The following PRKD1 variants were observed in gnomAD, a reference collection of about 807,000 sequenced individuals.
The protein encoded by PRKD1 is serine/threonine-protein kinase D1.
Under a neutral mutation model 95.9 loss-of-function variants are expected in PRKD1, and 63 were observed. The ratio of observed to expected loss-of-function variants is 0.66; its 90% CI spans 0.54 to 0.81. The LOEUF is 0.81. PRKD1 is among the 30% of genes least tolerant of loss of function. The pLI is 0.00. For missense variants in PRKD1, 1,048 were observed against 1,165.3 expected, an observed-to-expected ratio of 0.90 and a Z score of 1.47; for synonymous variants, 425 against 423.1, an observed-to-expected ratio of 1.00 and a Z score of -0.05.
chr14:29,735,652 A>T (rs1886677717), intron 1 of PRKD1, among the ~76,000 whole-genome samples: 1 of 152,202 alleles, frequency 6.6e-6, no homozygotes, highest in Non-Finnish European at 1.5e-5. Context: ...GAGGCTTAGG[A>T]GGCAAGGGTT....
chr14:29,910,950 T>C (rs1334320428), intron 1 of PRKD1, among the ~76,000 whole-genome samples: 2 of 152,220 alleles, frequency 1.3e-5, no homozygotes, highest in African/African-American at 2.4e-5. Context: ...AATCACACAA[T>C]TATTTCACAG....
At chr14:29,694,433 A>G (rs577557009) in intron 2 of PRKD1, among the ~76,000 whole-genome samples, 14 of 152,208 alleles carry the variant, frequency 9.2e-5, no homozygotes, top group South Asian at 6.2e-4. Flanking sequence ...CTTGTGGACC[A>G]TTTCTCAATG....
chr14:29,846,017 T>G, intron 1 of PRKD1, among the ~76,000 whole-genome samples: 1 of 152,128 alleles, frequency 6.6e-6, no homozygotes, highest in East Asian at 1.9e-4. Context: ...ATAATAAAAT[T>G]TAAAAACCTT....
intron 1 of PRKD1, among the ~76,000 whole-genome samples, chr14:29,775,710 T>C (rs1026510299): frequency 2.0e-5 from 3 of 151,978 alleles, no homozygotes; most frequent in Non-Finnish European, 4.4e-5. Flanking sequence ...GTAGACTCCA[T>C]CTCTGGGGGC....
chr14:29,701,248 A>G lies in PRKD1; in HGVS notation c.403+24288T>C, dbSNP rs76121887. Among the ~76,000 whole-genome samples, 351 of 152,234 alleles carry G rather than the reference A, an allele frequency of 2.3e-3. 2 individuals carry two copies. The highest frequency in any genetic ancestry group is 7.7e-3 in the African/African-American group (320 of 41,530). ...CAGCATCACCTGGAAATTTGTTAGA[A>G]ATGTATGTTCTTGGCCACACCCCAA... is the stretch of plus-strand genomic sequence containing the variant. On this transcript the variant is annotated intron_variant, in intron 2 of 17. Transcript: ENST00000331968.
At chr14:29,651,197 C>G (rs1023089027) in intron 4 of PRKD1, among the ~76,000 whole-genome samples, 14 of 152,190 alleles carry the variant, frequency 9.2e-5, no homozygotes, top group African/African-American at 3.1e-4. Context: ...CTTTTCTCCT[C>G]TATCTATCCC....
chr14:29,648,442 A>C (rs527320047), intron 4 of PRKD1, among the ~76,000 whole-genome samples: 1 of 152,276 alleles, frequency 6.6e-6, no homozygotes. Context: ...GCAGGAGGCA[A>C]GGGAGAATTA....
chr14:29,693,427 CA>C (rs1470325982), intron 2 of PRKD1, among the ~76,000 whole-genome samples: 2 of 151,848 alleles, frequency 1.3e-5, no homozygotes, highest in African/African-American at 4.8e-5. Flanking sequence ...ATAACAAATA[CA>C]AATCCCATGG....
intron 11 of PRKD1, among the ~76,000 whole-genome samples, chr14:29,627,855 C>T (rs1417468710): frequency 6.6e-6 from 1 of 152,138 alleles, no homozygotes; most frequent in Non-Finnish European, 1.5e-5. Flanking sequence ...TGTCTAGGGA[C>T]AAGACAAGTA....
intron 1 of PRKD1, among the ~76,000 whole-genome samples, chr14:29,797,898 C>G (rs544741879): frequency 6.6e-6 from 1 of 152,286 alleles, no homozygotes; most frequent in East Asian, 1.9e-4. Context: ...TGGTGAAATA[C>G]AGACACAAAA....
At chr14:29,701,271 C>A (rs1884830629) in intron 2 of PRKD1, among the ~76,000 whole-genome samples, 1 of 152,160 alleles carries the variant, frequency 6.6e-6, no homozygotes, top group African/African-American at 2.4e-5. Context: ...GGCCACACCC[C>A]AAACATATTG....
At chr14:29,900,565 G>A (rs1894286418) in intron 1 of PRKD1, among the ~76,000 whole-genome samples, 1 of 152,064 alleles carries the variant, frequency 6.6e-6, no homozygotes, top group African/African-American at 2.4e-5. Flanking sequence ...CAGAATGGGA[G>A]AAAATATTTA....
chr14:29,669,338 G>A (rs986384309), intron 2 of PRKD1, among the ~76,000 whole-genome samples: 2 of 152,124 alleles, frequency 1.3e-5, no homozygotes, highest in African/African-American at 2.4e-5. Context: ...TGAGCTAAAC[G>A]CCAACTGGAG....
chr14:29,671,957 G>A (rs904350244), intron 2 of PRKD1, among the ~76,000 whole-genome samples: 22 of 152,232 alleles, frequency 1.4e-4, no homozygotes, highest in Non-Finnish European at 7.4e-5. Context: ...AGAGAGATAA[G>A]CAGGCTAGAA....
chr14:29,577,150 T>A lies in PRKD1; in HGVS notation c.*88A>T, dbSNP rs1309119805. On this transcript the variant is annotated 3_prime_UTR_variant, in exon 18 of 18. Transcript: ENST00000331968. ...AGCTTTGTTCTCATCTGACAGAAAA[T>A]AATGGCAGTTCTGCAAGGCAAATGT... 1 of 1,344,914 alleles carries A rather than the reference T, an allele frequency of 7.4e-7. No individual in the cohort carries two copies. Among genetic ancestry groups the A allele is most frequent in the Non-Finnish European group, 1.0e-6 (1 of 954,692 alleles). 83.3% of individuals were successfully genotyped at this position (1,344,914 alleles called of 1,614,324 possible). A position where few individuals can be genotyped will look rare whatever the true frequency, so the allele number is the denominator to read the frequency against.
At chr14:29,779,371 T>G (rs1888929513) in intron 1 of PRKD1, among the ~76,000 whole-genome samples, 1 of 152,282 alleles carries the variant, frequency 6.6e-6, no homozygotes, top group Admixed American at 6.5e-5. Flanking sequence ...ATGACATGAT[T>G]TTATATTTAG....
chr14:29,689,554 G>A (rs1884107313), intron 2 of PRKD1, among the ~76,000 whole-genome samples: 1 of 152,218 alleles, frequency 6.6e-6, no homozygotes, highest in African/African-American at 2.4e-5. Context: ...CATTATGGAA[G>A]ACAGTGTGGT....
chr14:29,633,432 A>G (rs990591001), intron 8 of PRKD1, among the ~76,000 whole-genome samples: 1 of 152,180 alleles, frequency 6.6e-6, no homozygotes, highest in Non-Finnish European at 1.5e-5. Context: ...GTAGAAGTAA[A>G]GAATATTTTG....
At chr14:29,909,053 C>T (rs1894600788) in intron 1 of PRKD1, among the ~76,000 whole-genome samples, 1 of 152,170 alleles carries the variant, frequency 6.6e-6, no homozygotes, top group Non-Finnish European at 1.5e-5. Context: ...AGCATGAGTT[C>T]CGGGTGGGCG....
Sources: gnomAD v4.1 joint callset for allele counts (sites outside exome capture counted in the v4.1 genomes callset) on GRCh38, gnomAD v4.1.1 for gene constraint, MANE v1.5 for transcripts, NCBI Gene and HGNC (gene_info 2026-07-23, HGNC 2026-07-21) for gene names.